The following ZKSCAN3 variants were observed in gnomAD, a reference collection of about 807,000 sequenced individuals.
ZKSCAN3 encodes the protein zinc finger with KRAB and SCAN domains 3, also known as zinc finger protein with KRAB and SCAN domains 3.
ZKSCAN3 carries 21 observed loss-of-function variants against 30.7 expected under a neutral mutation model. The ratio of observed to expected loss-of-function variants is 0.68; its 90% confidence interval spans 0.49 to 0.99. The LOEUF is 0.99. Ranked by LOEUF, ZKSCAN3 falls within the 50% of genes least tolerant of loss-of-function variation. The probability of loss-of-function intolerance (pLI) is 0.00; values close to 1 mark genes in which losing one functional copy is unlikely to be tolerated. For synonymous variants in ZKSCAN3, 201 were observed against 246.7 expected (o/e 0.81, Z 1.73); for missense variants, 507 against 647.1 (o/e 0.78, Z 2.35).
rs1432884555 is a variant in ZKSCAN3, at chr6:28,359,868, C to T, written c.282C>T (p.Phe94=). The T allele has an allele frequency of 3.1e-6, 5 of 1,614,082 alleles. No homozygotes were observed. The East Asian group carries it at 6.7e-5, about 22-fold the overall frequency. The part of the protein sequence containing the change: ...QILELLVLEQ[F]LTILPGNLQS... ...TGGAGCTGCTGGTGCTGGAGCAGTTCCTGACCATCCTGCCGGGGAATCTGC... is the reference window on the plus strand; with the variant it reads ...TGGAGCTGCTGGTGCTGGAGCAGTTTCTGACCATCCTGCCGGGGAATCTGC... The change falls in exon 2 of 6, where the codon TTC becomes TTT. Residue 94 remains phenylalanine (F), a synonymous_variant. Transcript: ENST00000252211.
Position 28,359,681 on chromosome 6 carries a change from C to G in ZKSCAN3, c.95C>G (p.Ala32Gly). The G allele has an allele frequency of 6.2e-7, 1 of 1,614,182 alleles. No individual in the cohort carries two copies. Among genetic ancestry groups the G allele is most frequent in the Non-Finnish European group, 8.5e-7 (1 of 1,180,030 alleles). Residue 32 changes from alanine (A) to glycine (G), a missense_variant, in exon 2 of 6, where the codon GCC becomes GGC. Transcript: ENST00000252211. ...GTCATAAAGGTGGAGGAAGAAGAAG[C>G]CGGTTTTCCCAGTAGCCCAGATCTG... Reference protein sequence around the residue: ...LLVIKVEEEEAGFPSSPDLGS... With the variant: ...LLVIKVEEEEGGFPSSPDLGS...
intron 1 of ZKSCAN3, among the ~76,000 whole-genome samples, chr6:28,356,535 A>G (rs1183188547): frequency 6.6e-6 from 1 of 152,098 alleles, no homozygotes; most frequent in Non-Finnish European, 1.5e-5. Context: ...GTGCTTCACT[A>G]TGGTAGGGGG....
intron 2 of ZKSCAN3, 37 bp from the exon 3 acceptor site, chr6:28,361,287 T>G: frequency 6.2e-7 from 1 of 1,605,964 alleles, no homozygotes; most frequent in Non-Finnish European, 8.5e-7. Context: ...TGGAAGTGTT[T>G]GATGAAAACA....
At chr6:28,361,191 C>G in intron 2 of ZKSCAN3, 133 bp from the exon 3 acceptor site, 1 of 972,576 alleles carries the variant, frequency 1.0e-6, no homozygotes, top group Non-Finnish European at 1.5e-6. Context: ...AATAATACCT[C>G]CCTTATAAGA....
At chr6:28,354,061 GC>G (rs1292673491) in intron 1 of ZKSCAN3, 1 of 413,076 alleles carries the variant, frequency 2.4e-6, no homozygotes, top group Non-Finnish European at 4.9e-6. Context: ...TCAGCAAACG[GC>G]TCTGTGGCTC....
intron 2 of ZKSCAN3, chr6:28,360,714 C>CT: frequency 1.0e-6 from 1 of 985,430 alleles, no homozygotes; most frequent in Non-Finnish European, 1.2e-6. Context: ...TGACTTGGGT[C>CT]TGTTGCACCC....
At chr6:28,363,451 T>C in intron 4 of ZKSCAN3, 66 bp downstream of exon 4, 1 of 1,480,320 alleles carries the variant, frequency 6.8e-7, no homozygotes, top group Non-Finnish European at 9.4e-7. Context: ...TGAAGACTCC[T>C]CACTCCCCAT....
intron 1 of ZKSCAN3, chr6:28,353,581 G>T (rs1391963022): frequency 3.7e-6 from 1 of 273,050 alleles, no homozygotes; most frequent in Non-Finnish European, 7.4e-6. Flanking sequence ...GGAAGGAGTA[G>T]ATTAGGAAGC....
rs1765951558 is a variant in ZKSCAN3 at position 28,366,038 on chromosome 6, C to T, written c.1370C>T (p.Pro457Leu). ...IHTGDKNVQE[P>L]EQGEAWKSRM... is the part of the protein sequence containing the mutation. ...ACTGGGGATAAAAATGTTCAGGAAC[C>T]TGAGCAGGGAGAGGCCTGGAAAAGT... Residue 457 changes from proline (P) to leucine (L), a missense_variant, in exon 6 of 6, where the codon CCT becomes CTT. Pro to Leu is a moderately conservative substitution (Grantham distance 98, BLOSUM62 -3). Coordinates refer to ENST00000252211, the MANE Select transcript of ZKSCAN3 (RefSeq NM_024493.4). 6.2e-7 allele frequency: 1 copy of T among 1,611,806 alleles called. No individual in the cohort carries two copies. The highest frequency in any genetic ancestry group is 1.1e-5 in the South Asian group (1 of 90,698).
chr6:28,360,792 T>C (rs1315207401), intron 2 of ZKSCAN3: 1 of 976,776 alleles, frequency 1.0e-6, no homozygotes, highest in African/African-American at 1.8e-5. Context: ...ATGTGGGAAA[T>C]TCTGAGCTGC....
chr6:28,355,738 G>A (rs1414944190), intron 1 of ZKSCAN3: 3 of 152,344 alleles, frequency 2.0e-5, no homozygotes, highest in East Asian at 1.9e-4. Context: ...TTGGGGCTAT[G>A]CATATATCCC....
rs969662893 is a variant in ZKSCAN3 at position 28,369,031 on chromosome 6, T to C, written c.*2746T>C. 6.6e-5 allele frequency: 10 copies of C among 152,248 alleles called. No homozygotes were observed. Among genetic ancestry groups the C allele is most frequent in the Middle Eastern group, 3.2e-3 (1 of 316 alleles). 9.4% of individuals were successfully genotyped at this position (152,248 alleles called of 1,614,324 possible). A position where few individuals can be genotyped will look rare whatever the true frequency, so the allele number is the denominator to read the frequency against. ...AATTGAATCATTATCCACAATCCTT[T>C]ATAGAACTATCCAAGTCCCTGTTTT... On this transcript the variant is annotated 3_prime_UTR_variant, in exon 6 of 6. Coordinates refer to ENST00000252211, the MANE Select transcript of ZKSCAN3 (RefSeq NM_024493.4). The surrounding 1 kb of genome is among the most constrained non-coding windows in gnomAD (Gnocchi z 4.1).
chr6:28,364,630 A>G (rs559363513), intron 5 of ZKSCAN3, among the ~76,000 whole-genome samples: 1 of 152,164 alleles, frequency 6.6e-6, no homozygotes, highest in African/African-American at 2.4e-5. Flanking sequence ...CTGTTTGGGG[A>G]CCCTGCCTCT....
Position 28,366,394 on chromosome 6 carries a change from C to T in ZKSCAN3, c.*109C>T. The T allele has an allele frequency of 8.2e-7, 1 of 1,212,656 alleles. No individual in the cohort carries two copies. The highest frequency in any genetic ancestry group is 1.1e-6 in the Non-Finnish European group (1 of 902,058). 75.1% of individuals were successfully genotyped at this position (1,212,656 alleles called of 1,614,324 possible). On this transcript the variant is annotated 3_prime_UTR_variant, in exon 6 of 6. Transcript: ENST00000252211. ...GGGCTGGGCTTTATTTACCACTACACATTATCAGGTGTTAGAAAATGTAGA... is the reference window on the plus strand; with the variant it reads ...GGGCTGGGCTTTATTTACCACTACATATTATCAGGTGTTAGAAAATGTAGA...
rs1206321653 is a variant in ZKSCAN3 at position 28,368,551 on chromosome 6, TATTATGTATAC to T, written c.*2270_*2280del. On this transcript the variant is annotated 3_prime_UTR_variant, in exon 6 of 6. Coordinates refer to ENST00000252211, the MANE Select transcript of ZKSCAN3 (RefSeq NM_024493.4). The stretch of plus-strand genomic sequence containing the variant: ...TAGTCAGCATTATACAAGTAGTATT[TATTATGTATAC>T]ATTCAGTGGAGTTGTTTCTACAAAA... The T allele has an allele frequency of 6.6e-6, 1 of 152,662 alleles. No homozygotes were observed. Among genetic ancestry groups the T allele is most frequent in the Admixed American group, 6.5e-5 (1 of 15,290 alleles). The allele number at this position is 152,662 out of a possible 1,614,324, so 9.5% of individuals were successfully genotyped here. A position where few individuals can be genotyped will look rare whatever the true frequency, so the allele number is the denominator to read the frequency against.
rs544192679 is a variant in ZKSCAN3 at position 28,359,704 on chromosome 6, C to T, written c.118C>T (p.Leu40=). 23 of 1,614,226 alleles carry T rather than the reference C, an allele frequency of 1.4e-5. No homozygotes were observed. The South Asian group carries it at 1.6e-4, about 12-fold the overall frequency. The part of the protein sequence containing the change: ...EEAGFPSSPD[L]GSEGSRERFR... ...AGCCGGTTTTCCCAGTAGCCCAGAT[C>T]TGGGTTCTGAGGGCTCCCGCGAGCG... Residue 40 remains leucine (L), a synonymous_variant, in exon 2 of 6, where the codon CTG becomes TTG. Coordinates refer to ENST00000252211, the MANE Select transcript of ZKSCAN3 (RefSeq NM_024493.4).
At chr6:28,361,230 C>A in intron 2 of ZKSCAN3, 94 bp from the exon 3 acceptor site, 1 of 1,351,660 alleles carries the variant, frequency 7.4e-7, no homozygotes, top group Non-Finnish European at 1.0e-6. Flanking sequence ...AATGAGTTAA[C>A]ATTTATAATG....
intron 1 of ZKSCAN3, 138 bp from the exon 2 acceptor site, chr6:28,359,387 G>A: frequency 3.1e-6 from 2 of 652,782 alleles, no homozygotes; most frequent in Non-Finnish European, 5.1e-6. Context: ...TTGGGGTGGT[G>A]TAGAGGATTA....
At chr6:28,360,385 A>G (rs750565366) in intron 2 of ZKSCAN3, 2 of 201,308 alleles carry the variant, frequency 9.9e-6, no homozygotes, top group Non-Finnish European at 1.8e-5. Context: ...TATTGGTGAC[A>G]AAGTCGTGGG....
Sources: gnomAD v4.1 joint callset for allele counts (sites outside exome capture counted in the v4.1 genomes callset) on GRCh38, gnomAD v4.1.1 for gene constraint, Gnocchi (gnomAD v3.1) non-coding constraint, MANE v1.5 for transcripts, NCBI Gene and HGNC (gene_info 2026-07-23, HGNC 2026-07-21) for gene names.